TRIM33: variants seen among roughly 807,000 people sequenced by gnomAD.
TRIM33 encodes tripartite motif containing 33, also known as E3 ubiquitin-protein ligase TRIM33.
Under a neutral mutation model 125.4 loss-of-function variants are expected in TRIM33, and 20 were observed. The observed-to-expected ratio is 0.16, with a 90% CI of 0.11 to 0.23. The LOEUF (loss-of-function observed/expected upper bound fraction) is 0.23. Among genes scored for constraint, TRIM33 ranks in the 10% least tolerant of loss-of-function variants. The pLI is 1.00. For synonymous variants in TRIM33, 564 were observed against 513.9 expected, an observed-to-expected ratio of 1.10 and a Z score of -1.32; for missense variants, 920 against 1,411.4, an observed-to-expected ratio of 0.65 and a Z score of 5.58.
intron 1 of TRIM33, among the ~76,000 whole-genome samples, chr1:114,473,052 A>G (rs1003053654): frequency 6.6e-6 from 1 of 151,912 alleles, no homozygotes; most frequent in East Asian, 1.9e-4. Flanking sequence ...GTCAAGAGAT[A>G]GAGACCATCC....
At chr1:114,402,568 C>T (rs1651964901) in intron 16 of TRIM33, among the ~76,000 whole-genome samples, 192 bp downstream of exon 16, 1 of 151,826 alleles carries the variant, frequency 6.6e-6, no homozygotes, top group Non-Finnish European at 1.5e-5. Context: ...TTTGAGGAAT[C>T]TGGATAGAAG....
Position 114,511,142 on chromosome 1 carries a change from C to CCCCCAG in TRIM33, c.-72_-67dup, listed in dbSNP as rs1653350975. 12 of 1,073,938 alleles carry CCCCCAG rather than the reference C, an allele frequency of 1.1e-5. No homozygotes were observed. The highest frequency in any genetic ancestry group is 1.4e-5 in the Non-Finnish European group (12 of 888,488). The allele number at this position is 1,073,938 out of a possible 1,614,324, so 66.5% of individuals were successfully genotyped here. A position where few individuals can be genotyped will look rare whatever the true frequency, so the allele number is the denominator to read the frequency against. On this transcript the variant is annotated 5_prime_UTR_variant, in exon 1 of 20. Coordinates refer to ENST00000358465, the MANE Select transcript of TRIM33 (RefSeq NM_015906.4). ...GCCGCCCGCGTCGCCGCCGCCGCCG[C>CCCCCAG]CCCCAGCCCCAGCCGCAGCCGCAGC... is the stretch of plus-strand genomic sequence containing the variant.
chr1:114,464,257 T>C lies in TRIM33; in HGVS notation c.645+13A>G. 2.1e-6 allele frequency: 3 copies of C among 1,431,984 alleles called. No individual in the cohort carries two copies. Among genetic ancestry groups the C allele is most frequent in the Non-Finnish European group, 2.9e-6 (3 of 1,038,822 alleles). 88.7% of individuals were successfully genotyped at this position (1,431,984 alleles called of 1,614,324 possible). On this transcript the variant is annotated intron_variant, in intron 2 of 19. Transcript: ENST00000358465. ...ATCAAGATAGGAATATAAAGAAAAATTGAGAAGCATACCTGTTCTGATTTT... is the reference window on the plus strand; with the variant it reads ...ATCAAGATAGGAATATAAAGAAAAACTGAGAAGCATACCTGTTCTGATTTT...
intron 1 of TRIM33, among the ~76,000 whole-genome samples, chr1:114,495,734 C>A (rs1652330443): frequency 1.3e-5 from 2 of 151,932 alleles, no homozygotes; most frequent in South Asian, 4.2e-4. Flanking sequence ...TAGATTACAG[C>A]CAAAAGCATA....
intron 4 of TRIM33, among the ~76,000 whole-genome samples, chr1:114,437,909 T>C (rs1230656237): frequency 6.6e-6 from 1 of 152,154 alleles, no homozygotes; most frequent in Middle Eastern, 3.2e-3. Flanking sequence ...ATGGTGCTCA[T>C]GAGTAAAGGG....
intron 1 of TRIM33, among the ~76,000 whole-genome samples, chr1:114,481,909 C>T (rs557749096): frequency 1.3e-5 from 2 of 151,856 alleles, no homozygotes; most frequent in Non-Finnish European, 2.9e-5. Flanking sequence ...CAGATGTGCG[C>T]CACCATGCCC....
At position 114,394,191 on chromosome 1, in the gene TRIM33, T is replaced by C. The variant is rs917291504; in HGVS notation, c.*3457A>G. The C allele has an allele frequency of 2.2e-5, 5 of 229,250 alleles. No homozygotes were observed. Among genetic ancestry groups the C allele is most frequent in the African/African-American group, 1.1e-4 (5 of 45,126 alleles). The allele number at this position is 229,250 out of a possible 1,614,324, so 14.2% of individuals were successfully genotyped here. A position where few individuals can be genotyped will look rare whatever the true frequency, so the allele number is the denominator to read the frequency against. ...GATTTTTTATAAAACTACTCACTGA[T>C]CCGATGCTGAGTATGCAAATAAGCA... On this transcript the variant is annotated 3_prime_UTR_variant, in exon 20 of 20. Transcript: ENST00000358465.
chr1:114,418,191 A>G lies in TRIM33; in HGVS notation c.2061+3245T>C, dbSNP rs1489711103. On this transcript the variant is annotated intron_variant, in intron 11 of 19. Coordinates refer to ENST00000358465, the MANE Select transcript of TRIM33 (RefSeq NM_015906.4). ...TCACAAGGCAGTAGGAGAGAGAGTGAGTGCAGAGGAAACTGCCACTTTAAA... is the reference window on the plus strand; with the variant it reads ...TCACAAGGCAGTAGGAGAGAGAGTGGGTGCAGAGGAAACTGCCACTTTAAA... Among the ~76,000 whole-genome samples the G allele has an allele frequency of 2.6e-5, 4 of 152,336 alleles. No homozygotes were observed. In the East Asian group the frequency reaches 7.7e-4, roughly 29 times the overall value.
In TRIM33 at chr1:114,395,027, A is replaced by T. The variant is rs913251111; in HGVS notation, c.*2621T>A. 2 of 194,544 alleles carry T rather than the reference A, an allele frequency of 1.0e-5. No homozygotes were observed. The highest frequency in any genetic ancestry group is 1.1e-5 in the Non-Finnish European group (1 of 93,378). 12.1% of individuals were successfully genotyped at this position (194,544 alleles called of 1,614,324 possible). A position where few individuals can be genotyped will look rare whatever the true frequency, so the allele number is the denominator to read the frequency against. On this transcript the variant is annotated 3_prime_UTR_variant, in exon 20 of 20. Coordinates refer to ENST00000358465, the MANE Select transcript of TRIM33 (RefSeq NM_015906.4). ...ACTGCCTTCAGGGACTGACAGATACAATTTTGTCTTTTTAAAACATAAACT... is the reference window on the plus strand; with the variant it reads ...ACTGCCTTCAGGGACTGACAGATACTATTTTGTCTTTTTAAAACATAAACT...
intron 5 of TRIM33, among the ~76,000 whole-genome samples, chr1:114,432,700 G>C (rs932635917): frequency 6.6e-6 from 1 of 152,088 alleles, no homozygotes; most frequent in African/African-American, 2.4e-5. Flanking sequence ...GCAGGAGAAT[G>C]GCGTGAACCC....
At chr1:114,428,193 A>G (rs780002729) in intron 6 of TRIM33, among the ~76,000 whole-genome samples, 4 of 152,244 alleles carry the variant, frequency 2.6e-5, no homozygotes, top group Non-Finnish European at 5.9e-5. Flanking sequence ...AATCTAATAT[A>G]TGGTATTTAT....
At chr1:114,439,481 A>C (rs1370661879) in intron 4 of TRIM33, among the ~76,000 whole-genome samples, 1 of 149,746 alleles carries the variant, frequency 6.7e-6, no homozygotes, top group Admixed American at 6.7e-5. Context: ...AAAAAAAAAA[A>C]AAAAAAAAAA....
chr1:114,396,625 G>A lies in TRIM33; in HGVS notation c.*1023C>T, dbSNP rs1266112457. On this transcript the variant is annotated 3_prime_UTR_variant, in exon 20 of 20. Coordinates refer to ENST00000358465, the MANE Select transcript of TRIM33 (RefSeq NM_015906.4). The stretch of plus-strand genomic sequence containing the variant: ...GAATACACATTAGCTTAAAAAACAG[G>A]CTCAGCAAATGTTGCTGATCTGCCA... 1 of 200,072 alleles carries A rather than the reference G, an allele frequency of 5.0e-6. No individual in the cohort carries two copies. Among genetic ancestry groups the A allele is most frequent in the Non-Finnish European group, 1.0e-5 (1 of 96,798 alleles). 12.4% of individuals were successfully genotyped at this position (200,072 alleles called of 1,614,324 possible).
intron 11 of TRIM33, among the ~76,000 whole-genome samples, chr1:114,415,701 A>C (rs186129166): frequency 6.6e-6 from 1 of 152,166 alleles, no homozygotes; most frequent in Non-Finnish European, 1.5e-5. Flanking sequence ...CTGTAATCCC[A>C]GCACTTTGGG....
chr1:114,484,525 G>A (rs1176418349), intron 1 of TRIM33, among the ~76,000 whole-genome samples: 4 of 152,108 alleles, frequency 2.6e-5, no homozygotes, highest in East Asian at 1.9e-4. Context: ...TCAGGAGTTC[G>A]AGACCAGCCT....
chr1:114,480,521 T>TAA (rs34437164), intron 1 of TRIM33, among the ~76,000 whole-genome samples: 2 of 108,598 alleles, frequency 1.8e-5, no homozygotes, highest in Admixed American at 1.0e-4. Flanking sequence ...TGCCCCGCCT[T>TAA]AAAAAAAAAA....
chr1:114,443,111 C>T (rs1340147498), intron 4 of TRIM33, among the ~76,000 whole-genome samples: 16 of 149,604 alleles, frequency 1.1e-4, no homozygotes, highest in East Asian at 3.9e-4. Context: ...GGGCCAGGTG[C>T]GGTGGCTCAC....
intron 4 of TRIM33, among the ~76,000 whole-genome samples, chr1:114,449,102 T>G (rs1429564088): frequency 3.3e-5 from 5 of 151,818 alleles, no homozygotes; most frequent in Non-Finnish European, 1.5e-5. Flanking sequence ...AATGAGAGGT[T>G]ATGGGTGATG....
chr1:114,435,841 A>T (rs1648244043), intron 4 of TRIM33, among the ~76,000 whole-genome samples: 1 of 144,098 alleles, frequency 6.9e-6, no homozygotes, highest in Non-Finnish European at 1.5e-5. Flanking sequence ...ATCCTCCTGC[A>T]TCATTCTCCC....
Sources: allele counts gnomAD v4.1 joint callset (sites outside exome capture counted in the v4.1 genomes callset), GRCh38; gene constraint gnomAD v4.1.1; transcripts MANE v1.5; gene names NCBI Gene and HGNC (gene_info 2026-07-23, HGNC 2026-07-21).